Variants in VPS39 observed in about 807,000 individuals in gnomAD.
VPS39 encodes vam6/Vps39-like protein.
A neutral mutation model predicts 121.0 loss-of-function variants in VPS39; 70 were observed. That is an observed-to-expected ratio of 0.58 (90% CI 0.48 to 0.71). The LOEUF is 0.71. Ranked by LOEUF, VPS39 falls within the 30% of genes least tolerant of loss-of-function variation. The pLI is 0.00. For synonymous variants in VPS39, 378 were observed against 398.1 expected (o/e 0.95, Z 0.60); for missense variants, 818 against 1,051.5 (o/e 0.78, Z 3.07).
chr15:42,194,556 C>T (rs2049894812), intron 2 of VPS39, among the ~76,000 whole-genome samples: 1 of 152,096 alleles, frequency 6.6e-6, no homozygotes, highest in African/African-American at 2.4e-5. Context: ...CAAGAAGAGA[C>T]AACTCATCTT....
chr15:42,164,529 T>C (rs1371566824), intron 18 of VPS39, 43 bp from the exon 19 acceptor site: 9 of 1,609,756 alleles, frequency 5.6e-6, no homozygotes, highest in Non-Finnish European at 7.6e-6. Flanking sequence ...CACTGCCAGG[T>C]GGCAATGTAG....
At position 42,171,581 on chromosome 15, in the gene VPS39, C is replaced by A. The variant is rs183082796; in HGVS notation, c.1091-1715G>T. On this transcript the variant is annotated intron_variant, in intron 11 of 24. Coordinates refer to ENST00000318006, the MANE Select transcript of VPS39 (RefSeq NM_015289.5). ...TCAGCTCATCCAACAATCTGTGTGTCTATATGTAGTAAAATATACATGCCA... is the reference window on the plus strand; with the variant it reads ...TCAGCTCATCCAACAATCTGTGTGTATATATGTAGTAAAATATACATGCCA... Among the ~76,000 whole-genome samples the A allele has an allele frequency of 3.3e-4, 51 of 152,318 alleles. No individual in the cohort carries two copies. The East Asian group carries it at 9.1e-3, about 27-fold the overall frequency.
At chr15:42,189,038 T>C in intron 5 of VPS39, 76 bp downstream of exon 5, 1 of 1,042,844 alleles carries the variant, frequency 9.6e-7, no homozygotes, top group Non-Finnish European at 1.5e-6. Flanking sequence ...ATTCTTCCCA[T>C]CTAATGGTAG....
In VPS39 at chr15:42,166,495, A is replaced by G. The variant is rs1012589342; in HGVS notation, c.1606+68T>C. The G allele has an allele frequency of 9.9e-5, 154 of 1,563,146 alleles. 1 individual carries two copies. Among genetic ancestry groups the G allele is most frequent in the Non-Finnish European group, 1.2e-4 (142 of 1,137,358 alleles). On this transcript the variant is annotated intron_variant, in intron 15 of 24. Coordinates refer to ENST00000318006, the MANE Select transcript of VPS39 (RefSeq NM_015289.5). The stretch of plus-strand genomic sequence containing the variant: ...GGGAGGGGAGCAACCAACCAGAAAC[A>G]GAAACAGAGGGAGACCAGGTCATTT...
chr15:42,178,553 T>C lies in VPS39; in HGVS notation c.736A>G (p.Ile246Val). The stretch of plus-strand genomic sequence containing the variant: ...ACATATCGAGGCAACACTGCAATGA[T>C]GTAGGGAGGCTGGTGCTCTGTGAAA... ...PVAMEHQPPY[I>V]IAVLPRYVEI... Residue 246 changes from isoleucine (I) to valine (V), a missense_variant, in exon 9 of 25, where the codon ATC becomes GTC. Ile to Val is a conservative substitution (Grantham distance 29). Coordinates refer to ENST00000318006, the MANE Select transcript of VPS39 (RefSeq NM_015289.5). 6.2e-7 allele frequency: 1 copy of C among 1,614,098 alleles called. No homozygotes were observed. The highest frequency in any genetic ancestry group is 8.5e-7 in the Non-Finnish European group (1 of 1,180,028).
rs2049209741 is a variant in VPS39 at position 42,164,839 on chromosome 15, C to G, written c.1897+157G>C. 1.0e-5 allele frequency: 15 copies of G among 1,445,434 alleles called. No individual in the cohort carries two copies. The South Asian group carries it at 2.2e-4, about 21-fold the overall frequency. The allele number at this position is 1,445,434 out of a possible 1,614,324, so 89.5% of individuals were successfully genotyped here. The stretch of plus-strand genomic sequence containing the variant: ...ACAAGAGCTCCTGAGTCTCATGTGC[C>G]AGGCTTGTGTCACTTAGCTCCCCTG... On this transcript the variant is annotated intron_variant, in intron 18 of 24. Coordinates refer to ENST00000318006, the MANE Select transcript of VPS39 (RefSeq NM_015289.5).
At chr15:42,197,125 T>C (rs982685590) in intron 2 of VPS39, among the ~76,000 whole-genome samples, 8 of 127,244 alleles carry the variant, frequency 6.3e-5, no homozygotes, top group Admixed American at 2.0e-4. Context: ...AATTGAACAA[T>C]GAGAACACTT....
At position 42,184,520 on chromosome 15, in the gene VPS39, T is replaced by C. The variant is rs1298529659; in HGVS notation, c.715A>G (p.Met239Val). ...CAGCAGCTACTGTTGGTCTCACCCA[T>C]GGCCACTGGTATGTCCGTCCAGTTC... ...ALNWTDIPVA[M>V]EHQPPYIIAV... The change falls in exon 8 of 25, where the codon ATG becomes GTG. Residue 239 changes from methionine to valine, a missense_variant. Transcript: ENST00000318006. The C allele has an allele frequency of 1.2e-6, 2 of 1,602,892 alleles. No homozygotes were observed. Among genetic ancestry groups the C allele is most frequent in the East Asian group, 2.2e-5 (1 of 44,530 alleles).
chr15:42,187,474 G>T, intron 6 of VPS39, 111 bp from the exon 7 acceptor site: 4 of 964,396 alleles, frequency 4.1e-6, no homozygotes, highest in Non-Finnish European at 3.1e-6. Context: ...CCCTCATCGG[G>T]CACAATTCTA....
chr15:42,206,616 T>C (rs572490644), intron 1 of VPS39, among the ~76,000 whole-genome samples: 3 of 152,162 alleles, frequency 2.0e-5, no homozygotes, highest in Non-Finnish European at 4.4e-5. Context: ...GCTGCATTAA[T>C]CCCTTTCAGA....
intron 11 of VPS39, 92 bp downstream of exon 11, chr15:42,173,631 C>T (rs1212772837): frequency 1.9e-5 from 29 of 1,513,752 alleles, no homozygotes; most frequent in Non-Finnish European, 2.6e-5. Context: ...TAAACCTTCT[C>T]CATTCTCAGA....
In VPS39 at chr15:42,162,445, G is replaced by C; in HGVS notation, c.2212C>G (p.Pro738Ala). Residue 738 changes from proline (P) to alanine (A), a missense_variant, in exon 22 of 25, where the codon CCC (proline) becomes GCC (alanine). By Grantham distance (27) the Pro-to-Ala change is conservative. Transcript: ENST00000318006. ...ATTGGCCCCAGGCAGTGAATGCTGG[G>C]GGGCGACAGGTACATCCGAAGCAGG... is the stretch of plus-strand genomic sequence containing the variant. ...LSLLRMYLSPPSIHCLGPIKL... is the reference protein window; with the variant it reads ...LSLLRMYLSPASIHCLGPIKL... 6.2e-7 allele frequency: 1 copy of C among 1,612,242 alleles called. No individual in the cohort carries two copies. The highest frequency in any genetic ancestry group is 8.5e-7 in the Non-Finnish European group (1 of 1,178,812).
chr15:42,167,335 C>CT (rs1304740010), intron 13 of VPS39, 59 bp downstream of exon 13: 6 of 1,595,168 alleles, frequency 3.8e-6, no homozygotes, highest in Non-Finnish European at 5.1e-6. Flanking sequence ...CTCCCTTTTA[C>CT]TTTCCCAGAC....
chr15:42,208,207 G>A lies in VPS39; in HGVS notation c.-54C>T. 2.6e-6 allele frequency: 4 copies of A among 1,550,302 alleles called. No individual in the cohort carries two copies. Among genetic ancestry groups the A allele is most frequent in the Non-Finnish European group, 3.5e-6 (4 of 1,146,268 alleles). The stretch of plus-strand genomic sequence containing the variant: ...TCTCGCCCAGAGTGTTCCGGGCCGG[G>A]CTGGGGTCCGGAACGAGTCTGGGCT... On this transcript the variant is annotated 5_prime_UTR_variant, in exon 1 of 25. Coordinates refer to ENST00000318006, the MANE Select transcript of VPS39 (RefSeq NM_015289.5).
intron 10 of VPS39, among the ~76,000 whole-genome samples, chr15:42,174,807 C>G (rs1170976583): frequency 1.3e-5 from 2 of 152,204 alleles, no homozygotes; most frequent in Non-Finnish European, 2.9e-5. Flanking sequence ...AAACCCGTCT[C>G]TACTAAAAAT....
chr15:42,187,688 T>G, intron 6 of VPS39, 70 bp downstream of exon 6: 1 of 1,410,206 alleles, frequency 7.1e-7, no homozygotes, highest in African/African-American at 1.4e-5. Flanking sequence ...ACTGGAGTCC[T>G]GAACTTCACT....
At chr15:42,182,975 A>G (rs572793000) in intron 8 of VPS39, among the ~76,000 whole-genome samples, 123 of 152,308 alleles carry the variant, frequency 8.1e-4, no homozygotes, top group African/African-American at 2.8e-3. Flanking sequence ...AAGCTCCATA[A>G]GCCCCTCAAA....
chr15:42,165,027 C>G lies in VPS39; in HGVS notation c.1866G>C (p.Leu622=), dbSNP rs2049214006. ...GGAAGGACAGGAGATACTCCTTCATCAGACCTTGCACCTTCTCACAGTATA... is the reference window on the plus strand; with the variant it reads ...GGAAGGACAGGAGATACTCCTTCATGAGACCTTGCACCTTCTCACAGTATA... ...IQLYCEKVQG[L]MKEYLLSFPA... is the part of the protein sequence containing the mutation. Residue 622 remains leucine, a synonymous_variant, in exon 18 of 25, where the codon CTG becomes CTC. Transcript: ENST00000318006. 1.2e-6 allele frequency: 2 copies of G among 1,614,118 alleles called. No homozygotes were observed. Among genetic ancestry groups the G allele is most frequent in the Admixed American group, 3.3e-5 (2 of 60,010 alleles).
intron 2 of VPS39, among the ~76,000 whole-genome samples, chr15:42,193,513 A>G (rs1203202949): frequency 1.3e-5 from 2 of 152,192 alleles, no homozygotes; most frequent in Non-Finnish European, 2.9e-5. Flanking sequence ...TCTGTTACGT[A>G]AAAAAACATT....
Sources: allele counts gnomAD v4.1 joint callset (sites outside exome capture counted in the v4.1 genomes callset), GRCh38; gene constraint gnomAD v4.1.1; transcripts MANE v1.5; gene names NCBI Gene and HGNC (gene_info 2026-07-23, HGNC 2026-07-21).